The following SEC16A variants were observed in gnomAD, a reference collection of about 807,000 sequenced individuals.
SEC16A encodes the protein SEC16 homolog A, endoplasmic reticulum export factor, also known as protein transport protein Sec16A.
Under a neutral mutation model 221.9 loss-of-function variants are expected in SEC16A, and 110 were observed. That is an observed-to-expected ratio of 0.50 (90% confidence interval 0.42 to 0.58). The LOEUF (loss-of-function observed/expected upper bound fraction) is 0.58, where lower values mean the gene tolerates loss of function less well. SEC16A is among the 20% of genes least tolerant of loss of function. The probability of loss-of-function intolerance (pLI) is 0.00; values close to 1 mark genes in which losing one functional copy is unlikely to be tolerated. For synonymous variants in SEC16A, 1,393 were observed against 1,257.7 expected (o/e 1.11, Z -2.28); for missense variants, 3,165 against 3,097.8 (o/e 1.02, Z -0.52).
rs1338075091 is a variant in SEC16A at position 136,451,494 on chromosome 9, T to C, written c.6160-86A>G. 4 of 1,433,734 alleles carry C rather than the reference T, an allele frequency of 2.8e-6. No homozygotes were observed. The East Asian group carries it at 9.5e-5, about 34-fold the overall frequency. 88.8% of individuals were successfully genotyped at this position (1,433,734 alleles called of 1,614,324 possible). On this transcript the variant is annotated intron_variant, in intron 22 of 31. Coordinates refer to ENST00000684901, the MANE Select transcript of SEC16A (RefSeq NM_014866.2). ...AGGGGGATGCAATTCCCCAGGCGTG[T>C]TTCCTAAATACATCACTGAGAGGCC...
rs374464364 is a variant in SEC16A, at chr9:136,475,543, G to C, written c.2073C>G (p.His691Gln). 93 of 1,613,368 alleles carry C rather than the reference G, an allele frequency of 5.8e-5. No homozygotes were observed. In the South Asian group the frequency reaches 7.8e-4, roughly 14 times the overall value. ...CAGTATCCAAGGGCGGTGCCCCTGC[G>C]TGCGGAAGCATGTGCACAGCTTCCG... The part of the protein sequence containing the change: ...STTEAVHMLP[H>Q]AGAPPLDTVY... The change falls in exon 3 of 32, where the codon CAC becomes CAG. Residue 691 changes from histidine to glutamine, a missense_variant. Coordinates refer to ENST00000684901, the MANE Select transcript of SEC16A (RefSeq NM_014866.2). The surrounding 1 kb of genome is among the most constrained non-coding windows in gnomAD (Gnocchi z 5.0).
intron 13 of SEC16A, 122 bp downstream of exon 13, chr9:136,461,055 C>T (rs1839405484): frequency 4.1e-6 from 3 of 739,672 alleles, no homozygotes; most frequent in South Asian, 1.6e-5. Flanking sequence ...AGCCCGAGTT[C>T]GTGTGGGAGC....
At chr9:136,483,472 T>G (rs1360526194), upstream of SEC16A, 14 of 816,520 alleles carry the variant, frequency 1.7e-5, no homozygotes, top group South Asian at 6.0e-5. Flanking sequence ...TCCCCGCCCG[T>G]GGCCCCGCCC....
At chr9:136,458,224 C>T (rs1838973597) in intron 17 of SEC16A, among the ~76,000 whole-genome samples, 1 of 151,584 alleles carries the variant, frequency 6.6e-6, no homozygotes, top group Non-Finnish European at 1.5e-5. Flanking sequence ...CCACCTTGGC[C>T]TCCTAAAGTG....
Position 136,459,657 on chromosome 9 carries a change from G to A in SEC16A, c.5191+100C>T, listed in dbSNP as rs954921155. 5.1e-6 allele frequency: 7 copies of A among 1,362,714 alleles called. No homozygotes were observed. The African/African-American group carries it at 7.2e-5, about 14-fold the overall frequency. The allele number at this position is 1,362,714 out of a possible 1,614,324, so 84.4% of individuals were successfully genotyped here. On this transcript the variant is annotated intron_variant, in intron 15 of 31. Coordinates refer to ENST00000684901, the MANE Select transcript of SEC16A (RefSeq NM_014866.2). The surrounding 1 kb of genome is among the most constrained non-coding windows in gnomAD (Gnocchi z 6.1). Reference sequence around the variant, plus strand: ...AGGCACCAGAGACGCCAGCCGGACCGAGAAGGCCGGGTTCTGGTGATTTCT... The same window carrying A: ...AGGCACCAGAGACGCCAGCCGGACCAAGAAGGCCGGGTTCTGGTGATTTCT...
chr9:136,445,920 C>CT (rs1239578763), intron 28 of SEC16A, among the ~76,000 whole-genome samples: 1 of 152,208 alleles, frequency 6.6e-6, no homozygotes, highest in Non-Finnish European at 1.5e-5. Context: ...CTGCAGCTCT[C>CT]TACCAGGTGC....
chr9:136,447,597 G>C lies in SEC16A; in HGVS notation c.6531C>G (p.Ala2177=), dbSNP rs755128785. 7 of 1,613,734 alleles carry C rather than the reference G, an allele frequency of 4.3e-6. No individual in the cohort carries two copies. The highest frequency in any genetic ancestry group is 5.9e-6 in the Non-Finnish European group (7 of 1,179,648). Residue 2177 remains alanine, a synonymous_variant, in exon 26 of 32, where the codon GCC becomes GCG. Transcript: ENST00000684901. The surrounding 1 kb of genome is among the most constrained non-coding windows in gnomAD (Gnocchi z 5.5). ...APPALPGPPG[A]PVNMYSRRAA... is the part of the protein sequence containing the mutation. ...CTCTTCTAGAGTACATGTTCACGGGGGCTCCAGGAGGCCCTGGGAGGGCAG... is the reference window on the plus strand; with the variant it reads ...CTCTTCTAGAGTACATGTTCACGGGCGCTCCAGGAGGCCCTGGGAGGGCAG...
chr9:136,462,956 C>T lies in SEC16A; in HGVS notation c.4824G>A (p.Ala1608=), dbSNP rs780429162. Residue 1608 remains alanine, a synonymous_variant, in exon 12 of 32, where the codon GCG becomes GCA. Transcript: ENST00000684901. ...AQLSFLTGGP[A]AAASSLERET... The stretch of plus-strand genomic sequence containing the variant: ...CTCTCTCGAGCGAGCTGGCGGCAGC[C>T]GCCGGACCACCAGTGAGGAAAGAGA... 1.0e-5 allele frequency: 16 copies of T among 1,606,942 alleles called. No individual in the cohort carries two copies. Among genetic ancestry groups the T allele is most frequent in the African/African-American group, 2.7e-5 (2 of 74,952 alleles).
upstream of SEC16A, chr9:136,483,748 C>G (rs549385082): frequency 1.1e-5 from 11 of 985,400 alleles, no homozygotes; most frequent in Admixed American, 6.1e-5. Flanking sequence ...CTGACGCGGG[C>G]GCGCTCCTCG....
chr9:136,457,803 A>T (rs145796995), intron 17 of SEC16A, among the ~76,000 whole-genome samples: 45 of 152,262 alleles, frequency 3.0e-4, no homozygotes, highest in African/African-American at 1.1e-3. Flanking sequence ...AGCAAAGTAA[A>T]CGACTAAGCT....
chr9:136,440,675 C>G lies in SEC16A; in HGVS notation c.*1080G>C, dbSNP rs1487824900. Reference sequence around the variant, plus strand: ...TGAACAGGGTTGAGTCCACCAGGAGCTACTCAAAGTCTCAGTGTGGCAAAA... The same window carrying G: ...TGAACAGGGTTGAGTCCACCAGGAGGTACTCAAAGTCTCAGTGTGGCAAAA... On this transcript the variant is annotated 3_prime_UTR_variant, in exon 32 of 32. Coordinates refer to ENST00000684901, the MANE Select transcript of SEC16A (RefSeq NM_014866.2). 6.6e-6 allele frequency: 1 copy of G among 152,530 alleles called. No homozygotes were observed. The highest frequency in any genetic ancestry group is 1.5e-5 in the Non-Finnish European group (1 of 68,042). 9.4% of individuals were successfully genotyped at this position (152,530 alleles called of 1,614,324 possible).
Position 136,447,793 on chromosome 9 carries a change from C to T in SEC16A, c.6447+60G>A. ...CAGCCACCCAAATATCACAGGGCCA[C>T]ATGAGGCTGTTCCCTCCACTCACAC... On this transcript the variant is annotated intron_variant, in intron 25 of 31. Transcript: ENST00000684901. This position sits in a 1 kb window ranked among gnomAD's most constrained non-coding sequence, Gnocchi z 5.5. 6.4e-7 allele frequency: 1 copy of T among 1,560,432 alleles called. No individual in the cohort carries two copies. Among genetic ancestry groups the T allele is most frequent in the Non-Finnish European group, 8.8e-7 (1 of 1,138,752 alleles).
At chr9:136,470,581 C>CACAATT (rs1231061493) in intron 4 of SEC16A, among the ~76,000 whole-genome samples, 2 of 152,196 alleles carry the variant, frequency 1.3e-5, no homozygotes, top group Non-Finnish European at 2.9e-5. Context: ...GGAATTTTCT[C>CACAATT]ACAATTACAG....
At position 136,459,768 on chromosome 9, in the gene SEC16A, C is replaced by A; in HGVS notation, c.5180G>T (p.Gly1727Val). 1 of 1,609,672 alleles carries A rather than the reference C, an allele frequency of 6.2e-7. No homozygotes were observed. Among genetic ancestry groups the A allele is most frequent in the Non-Finnish European group, 8.5e-7 (1 of 1,178,108 alleles). ...DVESRTMATM[G>V]DTLASRGLLD... is the part of the protein sequence containing the mutation. ...CACCCCTGACCTACCCAGAGTGTCG[C>A]CCATGGTAGCCATCGTCCTGGACTC... Residue 1727 changes from glycine (G) to valine (V), a missense_variant, in exon 15 of 32, where the codon GGC becomes GTC. Physicochemically the swap from Gly to Val is moderately radical, Grantham distance 109. Around this residue, in one of 3 missense-constraint regions of SEC16A, gnomAD observed 1,088 missense variants for 1,089.6 expected, o/e 1.00. Coordinates refer to ENST00000684901, the MANE Select transcript of SEC16A (RefSeq NM_014866.2). The surrounding 1 kb of genome is among the most constrained non-coding windows in gnomAD (Gnocchi z 6.1).
upstream of SEC16A, chr9:136,484,590 C>T (rs1305484354): frequency 3.0e-6 from 4 of 1,346,008 alleles, no homozygotes; most frequent in Admixed American, 2.0e-5. Context: ...CTCCCAGCAG[C>T]GGCTGAGGTC....
At position 136,440,990 on chromosome 9, in the gene SEC16A, G is replaced by A. The variant is rs979447850; in HGVS notation, c.*765C>T. The A allele has an allele frequency of 2.0e-5, 3 of 152,340 alleles. No homozygotes were observed. Among genetic ancestry groups the A allele is most frequent in the Non-Finnish European group, 2.9e-5 (2 of 68,046 alleles). 9.4% of individuals were successfully genotyped at this position (152,340 alleles called of 1,614,324 possible). ...CCCTGAGCCATCATGTCAGACAGCC[G>A]GCTCTCTGGGGCTCCTTCCCAGTGA... is the stretch of plus-strand genomic sequence containing the variant. On this transcript the variant is annotated 3_prime_UTR_variant, in exon 32 of 32. Transcript: ENST00000684901.
chr9:136,456,691 A>G (rs55756446), intron 18 of SEC16A, among the ~76,000 whole-genome samples: 1,584 of 152,266 alleles, frequency 0.01, 22 homozygotes, highest in African/African-American at 0.035. Flanking sequence ...CACAAATGGA[A>G]CTACTGACAA....
rs180912225 is a variant in SEC16A at position 136,464,377 on chromosome 9, G to C, written c.4446+43C>G. On this transcript the variant is annotated intron_variant, in intron 9 of 31. Coordinates refer to ENST00000684901, the MANE Select transcript of SEC16A (RefSeq NM_014866.2). ...AAACTGCAAAGCAGAGAGTTCCCCA[G>C]GGCAGCAGAGCAGTGACGCCACGCT... The C allele has an allele frequency of 2.2e-4, 346 of 1,558,058 alleles. 1 individual carries two copies. In the East Asian group the frequency reaches 4.8e-3, roughly 22 times the overall value.
chr9:136,475,649 G>A lies in SEC16A; in HGVS notation c.1967C>T (p.Pro656Leu), dbSNP rs1841523658. ...RPAAALPDASPGNLEQPPDNM... is the reference protein window; with the variant it reads ...RPAAALPDASLGNLEQPPDNM... ...GTCTGGTGGCTGCTCCAGGTTGCCA[G>A]GGGAAGCATCGGGCAGGGCGGCAGC... Residue 656 changes from proline to leucine, a missense_variant, in exon 3 of 32, where the codon CCT (proline) becomes CTT (leucine). Transcript: ENST00000684901. This position sits in a 1 kb window ranked among gnomAD's most constrained non-coding sequence, Gnocchi z 5.0. 1.2e-6 allele frequency: 2 copies of A among 1,613,766 alleles called. No individual in the cohort carries two copies. The highest frequency in any genetic ancestry group is 1.7e-6 in the Non-Finnish European group (2 of 1,179,860).
Sources: gnomAD v4.1 joint callset for allele counts (sites outside exome capture counted in the v4.1 genomes callset) on GRCh38, gnomAD v4.1.1 for gene constraint, gnomAD v4.1.1 regional missense constraint, Gnocchi (gnomAD v3.1) non-coding constraint, MANE v1.5 for transcripts, NCBI Gene and HGNC (gene_info 2026-07-23, HGNC 2026-07-21) for gene names.